Variants in DLG2 observed in about 807,000 individuals in gnomAD.
DLG2 encodes discs large MAGUK scaffold protein 2.
DLG2 carries 45 observed loss-of-function variants against 132.5 expected under a neutral mutation model. The observed-to-expected ratio is 0.34, with a 90% confidence interval of 0.27 to 0.44. DLG2 has a LOEUF of 0.44. Ranked by LOEUF, DLG2 falls within the 20% of genes least tolerant of loss-of-function variation. DLG2 has a pLI of 1.00. For missense variants in DLG2, 1,045 were observed against 1,196.9 expected, an observed-to-expected ratio of 0.87 and a Z score of 1.87; for synonymous variants, 424 against 419.6, an observed-to-expected ratio of 1.01 and a Z score of -0.13.
chr11:83,598,831 A>G (rs1443484020), intron 19 of DLG2, among the ~76,000 whole-genome samples: 1 of 152,222 alleles, frequency 6.6e-6, no homozygotes, highest in East Asian at 1.9e-4. Flanking sequence ...CTATCATTCA[A>G]CATGTCATTT....
chr11:83,629,355 A>G (rs1367980), intron 19 of DLG2, among the ~76,000 whole-genome samples: 37,217 of 152,028 alleles, frequency 0.24, 4,861 homozygotes, highest in African/African-American at 0.33. Flanking sequence ...CTCAGAGGTT[A>G]TTTGCTTGAA....
Position 84,121,230 on chromosome 11 carries a change from G to A in DLG2, c.625-22183C>T, listed in dbSNP as rs188663519. On this transcript the variant is annotated intron_variant, in intron 9 of 27. Coordinates refer to ENST00000376104, the MANE Select transcript of DLG2 (RefSeq NM_001142699.3). ...ATAATGTTATATAAGTTATTTAACC[G>A]CTTTGAGTCTCAGTTGTCTCTTCTA... 1.8e-3 allele frequency among the ~76,000 whole-genome samples: 280 copies of A among 152,214 alleles called. 1 individual carries two copies. The highest frequency in any genetic ancestry group is 6.5e-3 in the African/African-American group (269 of 41,544).
chr11:83,564,996 T>G (rs1279538526), intron 19 of DLG2, among the ~76,000 whole-genome samples: 1 of 152,186 alleles, frequency 6.6e-6, no homozygotes, highest in African/African-American at 2.4e-5. Context: ...AATCATGCAG[T>G]TCTTTATCTG....
chr11:84,595,003 CA>C (rs372552507), intron 6 of DLG2, among the ~76,000 whole-genome samples: 60 of 152,192 alleles, frequency 3.9e-4, no homozygotes, highest in African/African-American at 1.1e-3. Context: ...ACCTTTCATG[CA>C]AAAAGTAGAT....
chr11:85,307,882 C>T (rs557096671), intron 3 of DLG2, among the ~76,000 whole-genome samples: 4 of 152,182 alleles, frequency 2.6e-5, no homozygotes, highest in Non-Finnish European at 4.4e-5. Context: ...AGGCTGGGCG[C>T]GGTGGCTCAT....
At chr11:85,607,348 G>A (rs572987552) in intron 2 of DLG2, among the ~76,000 whole-genome samples, 5 of 152,156 alleles carry the variant, frequency 3.3e-5, no homozygotes, top group Admixed American at 6.5e-5. Flanking sequence ...TCGACAGAGG[G>A]GAAAGTCATT....
chr11:85,155,710 A>G (rs1352045632), intron 4 of DLG2, among the ~76,000 whole-genome samples: 1 of 152,026 alleles, frequency 6.6e-6, no homozygotes, highest in African/African-American at 2.4e-5. Flanking sequence ...TCTCTACTAA[A>G]AATATAAAAA....
chr11:85,232,988 C>T (rs2075380941), intron 4 of DLG2, among the ~76,000 whole-genome samples: 2 of 151,840 alleles, frequency 1.3e-5, no homozygotes, highest in Admixed American at 6.6e-5. Context: ...TTCTGTATGG[C>T]CTTAATGCCT....
At chr11:85,043,723 A>G (rs1167561616) in intron 6 of DLG2, among the ~76,000 whole-genome samples, 1 of 151,954 alleles carries the variant, frequency 6.6e-6, no homozygotes, top group African/African-American at 2.4e-5. Flanking sequence ...CTTTAAAATA[A>G]CTTTTAAAAT....
intron 7 of DLG2, among the ~76,000 whole-genome samples, chr11:84,347,480 A>G (rs933149006): frequency 6.6e-6 from 1 of 152,044 alleles, no homozygotes; most frequent in African/African-American, 2.4e-5. Context: ...GACTATCTCC[A>G]CTATAGGTTC....
At chr11:83,841,066 G>C (rs1357972816) in intron 16 of DLG2, among the ~76,000 whole-genome samples, 1 of 152,014 alleles carries the variant, frequency 6.6e-6, no homozygotes, top group African/African-American at 2.4e-5. Flanking sequence ...TAATGACTCT[G>C]GGTCTGATTA....
chr11:84,295,534 T>A lies in DLG2; in HGVS notation c.520-44243A>T, dbSNP rs536599654. ...CTTCTGAGCACCATAATCCAGACAA[T>A]CACTAGGAATCAATCGGAGCTGACA... is the stretch of plus-strand genomic sequence containing the variant. On this transcript the variant is annotated intron_variant, in intron 7 of 27. Transcript: ENST00000376104. 3.2e-4 allele frequency among the ~76,000 whole-genome samples: 48 copies of A among 152,294 alleles called. No homozygotes were observed. In the East Asian group the frequency reaches 7.9e-3, roughly 25 times the overall value.
At chr11:84,106,074 A>G (rs1184015995) in intron 9 of DLG2, among the ~76,000 whole-genome samples, 2 of 152,126 alleles carry the variant, frequency 1.3e-5, no homozygotes, top group Non-Finnish European at 2.9e-5. Context: ...AGCGAACAAT[A>G]TAAGTAGGTA....
chr11:85,402,624 T>C (rs952901199), intron 3 of DLG2, among the ~76,000 whole-genome samples: 1 of 151,834 alleles, frequency 6.6e-6, no homozygotes, highest in Non-Finnish European at 1.5e-5. Flanking sequence ...GAATCTACAA[T>C]GAACTCAAAC....
intron 3 of DLG2, among the ~76,000 whole-genome samples, chr11:85,358,424 A>T (rs780992631): frequency 2.0e-5 from 3 of 152,168 alleles, no homozygotes; most frequent in Non-Finnish European, 4.4e-5. Context: ...TTTCCATAGT[A>T]TTTAAATCTG....
intron 9 of DLG2, among the ~76,000 whole-genome samples, chr11:84,128,760 C>T (rs547577091): frequency 2.6e-5 from 4 of 151,906 alleles, no homozygotes; most frequent in Non-Finnish European, 5.9e-5. Flanking sequence ...TATAATCAAG[C>T]GAGGCTGTGC....
intron 6 of DLG2, among the ~76,000 whole-genome samples, chr11:85,074,281 T>A (rs2154168554): frequency 6.6e-6 from 1 of 152,020 alleles, no homozygotes; most frequent in Admixed American, 6.6e-5. Flanking sequence ...CCCCTTGGGA[T>A]TGAATCTTTT....
At chr11:84,912,741 A>T (rs1310971626) in intron 6 of DLG2, among the ~76,000 whole-genome samples, 2 of 151,460 alleles carry the variant, frequency 1.3e-5, no homozygotes, top group East Asian at 3.9e-4. Context: ...GTATAGCTGG[A>T]ATTGATTCTG....
chr11:85,263,709 A>G (rs1323901145), intron 4 of DLG2, among the ~76,000 whole-genome samples: 2 of 152,200 alleles, frequency 1.3e-5, no homozygotes, highest in Non-Finnish European at 2.9e-5. Flanking sequence ...GGGAATAGCC[A>G]TGGCTGAGGA....
Sources: gnomAD v4.1 joint callset for allele counts (sites outside exome capture counted in the v4.1 genomes callset) on GRCh38, gnomAD v4.1.1 for gene constraint, MANE v1.5 for transcripts, NCBI Gene and HGNC (gene_info 2026-07-23, HGNC 2026-07-21) for gene names.